The following FGF7 variants were observed in gnomAD, a reference collection of about 807,000 sequenced individuals.
The protein encoded by FGF7 is fibroblast growth factor 7, also known as FGF-7.
In FGF7, 6 loss-of-function variants were observed where a neutral mutation model predicts 20.5. That is an observed-to-expected ratio of 0.29 (90% CI 0.16 to 0.58). The LOEUF is 0.58. FGF7 is among the 20% of genes least tolerant of loss of function. The pLI is 0.90. For missense variants in FGF7, 144 were observed against 228.8 expected (o/e 0.63, Z 2.39); for synonymous variants, 64 against 74.7 (o/e 0.86, Z 0.74).
chr15:49,473,168 T>C lies in FGF7; in HGVS notation c.287-9983T>C, dbSNP rs1176231352. Among the ~76,000 whole-genome samples the C allele has an allele frequency of 2.0e-5, 3 of 152,174 alleles. 1 individual carries two copies. Among genetic ancestry groups the C allele is most frequent in the African/African-American group, 7.2e-5 (3 of 41,460 alleles). On this transcript the variant is annotated intron_variant, in intron 2 of 3. Coordinates refer to ENST00000267843, the MANE Select transcript of FGF7 (RefSeq NM_002009.4). ...AATGGTTTGAGTGCCTCCACAAACA[T>C]ATCAAATATGAATGCCAGGAATTTA...
At chr15:49,443,378 C>T (rs1278578474) in intron 2 of FGF7, among the ~76,000 whole-genome samples, 1 of 151,114 alleles carries the variant, frequency 6.6e-6, no homozygotes, top group Admixed American at 6.6e-5. Flanking sequence ...CAACTCTGTT[C>T]AGTGATGTTT....
At chr15:49,473,425 GATGT>G (rs572207901) in intron 2 of FGF7, among the ~76,000 whole-genome samples, 219 of 152,134 alleles carry the variant, frequency 1.4e-3, no homozygotes, top group African/African-American at 5.2e-3. Flanking sequence ...TTTTTAAATT[GATGT>G]ATATTTGACA....
At chr15:49,432,724 T>C (rs1262997802) in intron 2 of FGF7, among the ~76,000 whole-genome samples, 1 of 151,690 alleles carries the variant, frequency 6.6e-6, no homozygotes, top group Non-Finnish European at 1.5e-5. Context: ...GAAGATTATA[T>C]ATGATTTCGG....
Position 49,486,395 on chromosome 15 carries a change from G to C in FGF7, c.*1891G>C, listed in dbSNP as rs1440334133. 2 of 151,948 alleles carry C rather than the reference G, an allele frequency of 1.3e-5. No individual in the cohort carries two copies. The highest frequency in any genetic ancestry group is 4.8e-5 in the African/African-American group (2 of 41,408). 9.4% of individuals were successfully genotyped at this position (151,948 alleles called of 1,614,324 possible). On this transcript the variant is annotated 3_prime_UTR_variant, in exon 4 of 4. Transcript: ENST00000267843. ...TTTGCTAGCTAGGTTTTGAGGTCAGGCTTCAGTAACTGTAGTCTTGTGAGC... is the reference window on the plus strand; with the variant it reads ...TTTGCTAGCTAGGTTTTGAGGTCAGCCTTCAGTAACTGTAGTCTTGTGAGC...
chr15:49,469,184 A>T (rs1314645819), intron 2 of FGF7, among the ~76,000 whole-genome samples: 2 of 152,198 alleles, frequency 1.3e-5, no homozygotes, highest in African/African-American at 2.4e-5. Context: ...TTATTTTCTT[A>T]TAAGACATTT....
Position 49,426,081 on chromosome 15 carries a change from T to A in FGF7, c.286+1498T>A, listed in dbSNP as rs2050106862. On this transcript the variant is annotated intron_variant, in intron 2 of 3. Transcript: ENST00000267843. ...TAATATCATGGATAATAAAACCTGG[T>A]GGAGACGACAGAGCCTAGGTAAAAA... Among the ~76,000 whole-genome samples, 2 of 151,580 alleles carry A rather than the reference T, an allele frequency of 1.3e-5. 1 individual carries two copies. The highest frequency in any genetic ancestry group is 4.1e-4 in the South Asian group (2 of 4,830).
chr15:49,424,599 T>C lies in FGF7; in HGVS notation c.286+16T>C. On this transcript the variant is annotated intron_variant, in intron 2 of 3. Transcript: ENST00000267843. ...AATAATTACAGTAAGTAATTTTAAG[T>C]ACTGCTCATGAACCTTAGCAATCTG... 1 of 1,546,648 alleles carries C rather than the reference T, an allele frequency of 6.5e-7. No homozygotes were observed. Among genetic ancestry groups the C allele is most frequent in the Non-Finnish European group, 8.7e-7 (1 of 1,144,242 alleles).
chr15:49,477,778 T>A (rs904483833), intron 2 of FGF7, among the ~76,000 whole-genome samples: 3 of 152,230 alleles, frequency 2.0e-5, no homozygotes, highest in African/African-American at 7.2e-5. Context: ...GACTGCACCA[T>A]TTTGCATTCC....
In FGF7 at chr15:49,444,605, T is replaced by TCTAATGAAGC. The variant is rs1420702569; in HGVS notation, c.286+20033_286+20042dup. 7.9e-5 allele frequency among the ~76,000 whole-genome samples: 12 copies of TCTAATGAAGC among 151,816 alleles called. No homozygotes were observed. The East Asian group carries it at 2.3e-3, about 30-fold the overall frequency. ...TATCTCAAGCTGAAATAACTTGGTA[T>TCTAATGAAGC]CTAATGAAGCCTAATGAAGCAGATC... On this transcript the variant is annotated intron_variant, in intron 2 of 3. Transcript: ENST00000267843.
At chr15:49,481,613 G>T (rs10851477) in intron 2 of FGF7, among the ~76,000 whole-genome samples, 144,953 of 152,206 alleles carry the variant, frequency 0.95, 69,413 homozygotes, top group East Asian at 1. Context: ...TCAAAATTCT[G>T]CAAAATATAT....
At chr15:49,478,664 T>C (rs1362459818) in intron 2 of FGF7, among the ~76,000 whole-genome samples, 1 of 152,134 alleles carries the variant, frequency 6.6e-6, no homozygotes, top group East Asian at 1.9e-4. Flanking sequence ...GCCTCCACTT[T>C]TTTTCCAACT....
rs1288904471 is a variant in FGF7, at chr15:49,486,482, T to A, written c.*1978T>A. 4 of 151,974 alleles carry A rather than the reference T, an allele frequency of 2.6e-5. No homozygotes were observed. Among genetic ancestry groups the A allele is most frequent in the Non-Finnish European group, 5.9e-5 (4 of 67,908 alleles). The allele number at this position is 151,974 out of a possible 1,614,324, so 9.4% of individuals were successfully genotyped here. ...TGTTTCCTTAGTGCCTAGCAGACTA[T>A]CTGTTCATAATCAGTTTTCAGTGTG... On this transcript the variant is annotated 3_prime_UTR_variant, in exon 4 of 4. Coordinates refer to ENST00000267843, the MANE Select transcript of FGF7 (RefSeq NM_002009.4).
intron 2 of FGF7, among the ~76,000 whole-genome samples, chr15:49,436,696 T>C (rs1489233858): frequency 6.7e-6 from 1 of 149,688 alleles, no homozygotes; most frequent in African/African-American, 2.4e-5. Flanking sequence ...TAACTTGCTC[T>C]AGGTTACATA....
intron 2 of FGF7, among the ~76,000 whole-genome samples, chr15:49,436,524 G>T (rs2051121695): frequency 6.6e-6 from 1 of 151,498 alleles, no homozygotes; most frequent in South Asian, 2.1e-4. Flanking sequence ...TAACAAAAAT[G>T]ACTACTACAA....
At chr15:49,463,629 C>A (rs924758913) in intron 2 of FGF7, among the ~76,000 whole-genome samples, 1 of 151,260 alleles carries the variant, frequency 6.6e-6, no homozygotes, top group African/African-American at 2.4e-5. Flanking sequence ...TTTCTTATTT[C>A]TTTTCCTGGA....
chr15:49,459,590 T>C (rs1375538270), intron 2 of FGF7, among the ~76,000 whole-genome samples: 1 of 152,220 alleles, frequency 6.6e-6, no homozygotes, highest in South Asian at 2.1e-4. Flanking sequence ...ATCTCTTCAA[T>C]ATTTTGCAAA....
chr15:49,474,094 A>G (rs977336463), intron 2 of FGF7, among the ~76,000 whole-genome samples: 1 of 152,190 alleles, frequency 6.6e-6, no homozygotes, highest in African/African-American at 2.4e-5. Flanking sequence ...TAATGACAGG[A>G]TTTAAAATAT....
chr15:49,468,297 A>T (rs958325779), intron 2 of FGF7, among the ~76,000 whole-genome samples: 1 of 152,144 alleles, frequency 6.6e-6, no homozygotes, highest in African/African-American at 2.4e-5. Context: ...TTTCAGTTAT[A>T]CTTGATACCA....
intron 2 of FGF7, among the ~76,000 whole-genome samples, chr15:49,482,034 T>C (rs971194584): frequency 4.6e-5 from 7 of 152,156 alleles, no homozygotes; most frequent in Non-Finnish European, 7.4e-5. Context: ...ATTAGTTTTT[T>C]CTTTAAGTCA....
Sources: allele counts gnomAD v4.1 joint callset (sites outside exome capture counted in the v4.1 genomes callset), GRCh38; gene constraint gnomAD v4.1.1; transcripts MANE v1.5; gene names NCBI Gene and HGNC (gene_info 2026-07-23, HGNC 2026-07-21).